Variants in UNC13B observed in about 807,000 individuals in gnomAD.
UNC13B encodes protein unc-13 homolog B.
A neutral mutation model predicts 211.0 loss-of-function variants in UNC13B; 144 were observed. The ratio of observed to expected loss-of-function variants is 0.68; its 90% CI spans 0.60 to 0.78. UNC13B has a LOEUF of 0.78. UNC13B is among the 30% of genes least tolerant of loss of function. The probability of loss-of-function intolerance (pLI) is 0.00; values close to 1 mark genes in which losing one functional copy is unlikely to be tolerated. For missense variants in UNC13B, 1,777 were observed against 2,002.0 expected, an observed-to-expected ratio of 0.89 and a Z score of 2.14; for synonymous variants, 709 against 725.8, an observed-to-expected ratio of 0.98 and a Z score of 0.37.
intron 7 of UNC13B, among the ~76,000 whole-genome samples, chr9:35,293,400 T>G (rs1418884393): frequency 6.6e-6 from 1 of 152,206 alleles, no homozygotes; most frequent in Non-Finnish European, 1.5e-5. Context: ...CTCTCTGGCC[T>G]CAAAAGTGAT....
In UNC13B at chr9:35,307,893, G is replaced by C. The variant is rs1189559970; in HGVS notation, c.8489G>C (p.Ser2830Thr). The C allele has an allele frequency of 2.5e-6, 1 of 398,832 alleles. No homozygotes were observed. The highest frequency in any genetic ancestry group is 2.1e-5 in the African/African-American group (1 of 48,626). 24.7% of individuals were successfully genotyped at this position (398,832 alleles called of 1,614,324 possible). ...GAGGGGAAAGGGAGTGTATTAGCAAGTGATTCAAAACTAGGATTTGGAAAG... is the reference window on the plus strand; with the variant it reads ...GAGGGGAAAGGGAGTGTATTAGCAACTGATTCAAAACTAGGATTTGGAAAG... ...SSEGKGSVLA[S>T]DSKLGFGKVD... is the part of the protein sequence containing the mutation. Residue 2830 changes from serine to threonine, a missense_variant, in exon 9 of 40, where the codon AGT becomes ACT. Physicochemically the swap from Ser to Thr is moderately conservative, Grantham distance 58. Coordinates refer to ENST00000635942, the MANE Select transcript of UNC13B (RefSeq NM_001371189.2).
intron 7 of UNC13B, among the ~76,000 whole-genome samples, chr9:35,260,426 G>C (rs1827208866): frequency 6.6e-6 from 1 of 152,140 alleles, no homozygotes; most frequent in African/African-American, 2.4e-5. Context: ...GCTAGTAACT[G>C]GTGAAGTAAA....
chr9:35,344,373 C>A (rs1446989340), intron 11 of UNC13B, among the ~76,000 whole-genome samples: 1 of 152,234 alleles, frequency 6.6e-6, no homozygotes, highest in East Asian at 1.9e-4. Flanking sequence ...AGCCATCAAT[C>A]TAGAAGGAAA....
chr9:35,351,902 G>A (rs1347142600), intron 11 of UNC13B: 2 of 1,232,268 alleles, frequency 1.6e-6, no homozygotes, highest in Non-Finnish European at 2.0e-6. Flanking sequence ...TTTGTCCAGA[G>A]GCCATGGCCA....
chr9:35,379,741 T>C lies in UNC13B; in HGVS notation c.10206-729T>C, dbSNP rs185028528. 1.8e-4 allele frequency among the ~76,000 whole-genome samples: 28 copies of C among 152,324 alleles called. No homozygotes were observed. The East Asian group carries it at 5.2e-3, about 28-fold the overall frequency. ...AAGCTCCTTGTTGATTTGTCTATTA[T>C]CTTCTCACAGAGCAGTGGTTATACT... is the stretch of plus-strand genomic sequence containing the variant. On this transcript the variant is annotated intron_variant, in intron 17 of 39. Transcript: ENST00000635942.
intron 29 of UNC13B, 125 bp from the exon 30 acceptor site, chr9:35,397,510 C>A: frequency 7.7e-7 from 1 of 1,292,986 alleles, no homozygotes; most frequent in Non-Finnish European, 1.1e-6. Flanking sequence ...TTCTCCTGTA[C>A]TGTGGGATTC....
intron 1 of UNC13B, among the ~76,000 whole-genome samples, chr9:35,226,969 A>T (rs1824881724): frequency 6.6e-6 from 1 of 152,238 alleles, no homozygotes; most frequent in Admixed American, 6.5e-5. Context: ...ATTTATGCTT[A>T]TTGACCAATT....
intron 11 of UNC13B, among the ~76,000 whole-genome samples, chr9:35,348,933 T>C (rs1832538727): frequency 6.6e-6 from 1 of 152,142 alleles, no homozygotes; most frequent in Non-Finnish European, 1.5e-5. Flanking sequence ...CTAATTTTTT[T>C]TTTTGAGACA....
chr9:35,184,430 G>A (rs1822214529), intron 1 of UNC13B, among the ~76,000 whole-genome samples: 1 of 152,196 alleles, frequency 6.6e-6, no homozygotes, highest in Admixed American at 6.5e-5. Context: ...ACTGAGCATT[G>A]AGTGAGCGAG....
intron 11 of UNC13B, among the ~76,000 whole-genome samples, chr9:35,322,526 A>G (rs1265611102): frequency 6.6e-6 from 1 of 152,178 alleles, no homozygotes; most frequent in Non-Finnish European, 1.5e-5. Context: ...GAGCAGTCTC[A>G]GGAGAGGTAG....
At chr9:35,242,356 T>G (rs1385752691) in intron 5 of UNC13B, among the ~76,000 whole-genome samples, 1 of 152,170 alleles carries the variant, frequency 6.6e-6, no homozygotes, top group African/African-American at 2.4e-5. Context: ...TTCACTAGTG[T>G]TAAGTACATT....
chr9:35,256,272 T>C (rs1286161393), intron 6 of UNC13B, among the ~76,000 whole-genome samples: 3 of 152,196 alleles, frequency 2.0e-5, no homozygotes, highest in African/African-American at 7.2e-5. Context: ...TTACACTTAG[T>C]TGTCATGTCT....
At chr9:35,369,971 T>G (rs1415610265) in intron 12 of UNC13B, among the ~76,000 whole-genome samples, 1 of 152,174 alleles carries the variant, frequency 6.6e-6, no homozygotes, top group Non-Finnish European at 1.5e-5. Flanking sequence ...GCCCTGAATG[T>G]GGGGAGAAGC....
rs1000761219 is a variant in UNC13B at position 35,384,971 on chromosome 9, C to G, written c.10875+657C>G. ...GTAAGTATAAAAACAACCTTAAAGT[C>G]AAAAAGAAATGAGGTTTTAATTGTC... On this transcript the variant is annotated intron_variant, in intron 22 of 39. Coordinates refer to ENST00000635942, the MANE Select transcript of UNC13B (RefSeq NM_001371189.2). 1.2e-5 allele frequency: 11 copies of G among 930,942 alleles called. No individual in the cohort carries two copies. In the Admixed American group the frequency reaches 3.7e-4, roughly 31 times the overall value. 57.7% of individuals were successfully genotyped at this position (930,942 alleles called of 1,614,324 possible).
chr9:35,250,136 C>T (rs772328444), intron 6 of UNC13B, among the ~76,000 whole-genome samples: 4 of 152,070 alleles, frequency 2.6e-5, no homozygotes, highest in Non-Finnish European at 5.9e-5. Flanking sequence ...CGTCTTTCTT[C>T]CACTGTGCTG....
chr9:35,400,133 C>T (rs911990505), intron 36 of UNC13B, among the ~76,000 whole-genome samples, 163 bp from the exon 37 acceptor site: 2 of 152,146 alleles, frequency 1.3e-5, no homozygotes, highest in African/African-American at 4.8e-5. Flanking sequence ...CTAATCCTGC[C>T]AAATACCCAA....
At chr9:35,184,720 G>T (rs1051831971) in intron 1 of UNC13B, among the ~76,000 whole-genome samples, 1 of 137,768 alleles carries the variant, frequency 7.3e-6, no homozygotes. Context: ...AAGAAAGAAA[G>T]AAAGGGGAGA....
At chr9:35,259,762 GAT>G (rs1491334999) in intron 7 of UNC13B, among the ~76,000 whole-genome samples, 20 of 93,552 alleles carry the variant, frequency 2.1e-4, no homozygotes, top group African/African-American at 5.1e-4. Context: ...TTCAACCTGT[GAT>G]ATGTGTGTGT....
At chr9:35,224,477 G>A (rs1475920711) in intron 1 of UNC13B, among the ~76,000 whole-genome samples, 2 of 152,046 alleles carry the variant, frequency 1.3e-5, no homozygotes, top group South Asian at 4.1e-4. Context: ...AGTTGATTTT[G>A]TATTATGCAA....
Sources: allele counts gnomAD v4.1 joint callset (sites outside exome capture counted in the v4.1 genomes callset), GRCh38; gene constraint gnomAD v4.1.1; transcripts MANE v1.5; gene names NCBI Gene and HGNC (gene_info 2026-07-23, HGNC 2026-07-21).